Variants in ESR1 observed in about 807,000 individuals in gnomAD.
ESR1 encodes estrogen receptor.
A neutral mutation model predicts 52.7 loss-of-function variants in ESR1; 12 were observed. The observed-to-expected ratio is 0.23, with a 90% CI of 0.15 to 0.37. The LOEUF is 0.37. Ranked by LOEUF, ESR1 falls within the 10% of genes least tolerant of loss-of-function variation. The probability of loss-of-function intolerance (pLI) is 1.00; values close to 1 mark genes in which losing one functional copy is unlikely to be tolerated. For missense variants in ESR1, 584 were observed against 779.7 expected (o/e 0.75, Z 2.99); for synonymous variants, 305 against 316.8 (o/e 0.96, Z 0.39).
chr6:151,722,055 G>T (rs1038611841), intron 2 of ESR1, among the ~76,000 whole-genome samples: 5 of 152,260 alleles, frequency 3.3e-5, no homozygotes, highest in African/African-American at 1.2e-4. Flanking sequence ...CACTGGGAAA[G>T]TCTTGTTAGG....
chr6:151,806,947 A>G (rs1777977491), upstream of ESR1, among the ~76,000 whole-genome samples: 1 of 152,176 alleles, frequency 6.6e-6, no homozygotes, highest in Non-Finnish European at 1.5e-5. Context: ...AATGGGACCA[A>G]GTACAGTACT....
chr6:151,794,684 C>A (rs2128135413), intron 2 of ESR1, among the ~76,000 whole-genome samples: 1 of 152,118 alleles, frequency 6.6e-6, no homozygotes, highest in East Asian at 1.9e-4. Flanking sequence ...TCAAAACTGG[C>A]ATTGCAACAA....
chr6:151,881,343 A>T (rs1052103232), intron 3 of ESR1, among the ~76,000 whole-genome samples: 1 of 152,168 alleles, frequency 6.6e-6, no homozygotes, highest in Non-Finnish European at 1.5e-5. Context: ...GCACTACACT[A>T]ACAAGTGTCA....
chr6:151,796,503 T>G (rs766201492), intron 2 of ESR1, among the ~76,000 whole-genome samples: 13 of 152,200 alleles, frequency 8.5e-5, no homozygotes, highest in Non-Finnish European at 1.5e-4. Flanking sequence ...ACCAACTGCA[T>G]TATATATCAA....
intron 6 of ESR1, among the ~76,000 whole-genome samples, chr6:152,123,035 A>G (rs1194569612): frequency 6.6e-6 from 1 of 152,230 alleles, no homozygotes; most frequent in Non-Finnish European, 1.5e-5. Flanking sequence ...AAATGTAGAT[A>G]TTTGATGCAG....
At chr6:151,757,876 A>C (rs1008343325) in intron 2 of ESR1, among the ~76,000 whole-genome samples, 3 of 152,204 alleles carry the variant, frequency 2.0e-5, no homozygotes, top group African/African-American at 7.2e-5. Flanking sequence ...TCCTGTAATA[A>C]GGCAATGGTC....
At chr6:151,984,607 A>G (rs1170947178) in intron 4 of ESR1, among the ~76,000 whole-genome samples, 1 of 152,116 alleles carries the variant, frequency 6.6e-6, no homozygotes, top group Non-Finnish European at 1.5e-5. Context: ...GGGCTGTGTA[A>G]TCTGAGCACT....
chr6:151,910,304 C>A (rs555710030), intron 3 of ESR1, among the ~76,000 whole-genome samples: 1 of 151,664 alleles, frequency 6.6e-6, no homozygotes, highest in African/African-American at 2.4e-5. Context: ...TGGATTGAAC[C>A]GAACAGATCT....
At chr6:152,025,514 A>T (rs2044072718) in intron 5 of ESR1, among the ~76,000 whole-genome samples, 2 of 151,708 alleles carry the variant, frequency 1.3e-5, no homozygotes, top group Non-Finnish European at 3.0e-5. Context: ...TGGTATTCCA[A>T]TTTTTCACAT....
chr6:152,066,168 T>C (rs1165263657), intron 6 of ESR1, among the ~76,000 whole-genome samples: 1 of 152,192 alleles, frequency 6.6e-6, no homozygotes, highest in Admixed American at 6.5e-5. Flanking sequence ...CAGATGCCAT[T>C]CTGTTTGCTT....
chr6:152,024,230 A>T (rs1217871664), intron 5 of ESR1, among the ~76,000 whole-genome samples: 1 of 152,126 alleles, frequency 6.6e-6, no homozygotes, highest in East Asian at 1.9e-4. Flanking sequence ...CTGTACCAAG[A>T]TTTGTTCATC....
intron 3 of ESR1, among the ~76,000 whole-genome samples, chr6:151,943,312 G>T (rs923180713): frequency 6.6e-6 from 1 of 151,758 alleles, no homozygotes. Flanking sequence ...CCTGGGAGGC[G>T]GGGCTTGCAG....
At chr6:151,802,760 G>A (rs523736), upstream of ESR1, among the ~76,000 whole-genome samples, 93,071 of 152,016 alleles carry the variant, frequency 0.61, 29,086 homozygotes, top group African/African-American at 0.75. Context: ...AGGTTGAGGC[G>A]GGTGGATCAC....
chr6:151,797,186 A>G (rs1776793856), intron 2 of ESR1, among the ~76,000 whole-genome samples: 1 of 152,234 alleles, frequency 6.6e-6, no homozygotes, highest in African/African-American at 2.4e-5. Context: ...AGAGGTGGGA[A>G]AGTCTGTTAA....
At chr6:152,002,867 C>T (rs112948654) in intron 4 of ESR1, among the ~76,000 whole-genome samples, 3 of 151,998 alleles carry the variant, frequency 2.0e-5, no homozygotes. Flanking sequence ...TGTTCTGTCA[C>T]TCCCAGGAGA....
chr6:151,901,588 G>T (rs2128408592), intron 3 of ESR1, among the ~76,000 whole-genome samples: 1 of 152,314 alleles, frequency 6.6e-6, no homozygotes, highest in South Asian at 2.1e-4. Flanking sequence ...CTTATTAGGG[G>T]ACCCAGAGAG....
intron 2 of ESR1, among the ~76,000 whole-genome samples, chr6:151,766,853 T>C (rs1408656770): frequency 6.6e-6 from 1 of 152,230 alleles, no homozygotes; most frequent in Non-Finnish European, 1.5e-5. Context: ...TTACCTTCTG[T>C]AATCTGCATT....
At chr6:151,915,644 T>C (rs2029910270) in intron 3 of ESR1, among the ~76,000 whole-genome samples, 2 of 152,244 alleles carry the variant, frequency 1.3e-5, no homozygotes, top group Admixed American at 6.5e-5. Flanking sequence ...TAGTATGTTC[T>C]ACTTATCATT....
intron 2 of ESR1, among the ~76,000 whole-genome samples, chr6:151,770,331 G>A (rs1438887071): frequency 6.6e-6 from 1 of 152,090 alleles, no homozygotes; most frequent in Non-Finnish European, 1.5e-5. Flanking sequence ...AAATTAAAAT[G>A]GGAAAGCTAT....
Sources: allele counts gnomAD v4.1 joint callset (sites outside exome capture counted in the v4.1 genomes callset), GRCh38; gene constraint gnomAD v4.1.1; transcripts MANE v1.5; gene names NCBI Gene and HGNC (gene_info 2026-07-23, HGNC 2026-07-21).